The following ELF1 variants were observed in gnomAD, a reference collection of about 807,000 sequenced individuals.
ELF1 encodes ETS-related transcription factor Elf-1.
Under a neutral mutation model 59.9 loss-of-function variants are expected in ELF1, and 24 were observed. The observed-to-expected ratio is 0.40, with a 90% CI of 0.29 to 0.56. ELF1 has a LOEUF of 0.56. ELF1 is among the 20% of genes least tolerant of loss of function. ELF1 has a pLI of 0.44. For missense variants in ELF1, 627 were observed against 742.2 expected, an observed-to-expected ratio of 0.84 and a Z score of 1.80; for synonymous variants, 248 against 266.2, an observed-to-expected ratio of 0.93 and a Z score of 0.67.
intron 8 of ELF1, among the ~76,000 whole-genome samples, chr13:40,937,999 T>C (rs1040528982): frequency 1.3e-5 from 2 of 151,420 alleles, no homozygotes; most frequent in African/African-American, 4.9e-5. Flanking sequence ...GTATTTTTAG[T>C]AGAGACGGGG....
At chr13:40,950,155 C>T (rs563035111) in intron 4 of ELF1, among the ~76,000 whole-genome samples, 182 bp from the exon 5 acceptor site, 10 of 152,104 alleles carry the variant, frequency 6.6e-5, no homozygotes, top group Non-Finnish European at 1.5e-4. Context: ...CCAGGCACGG[C>T]GAGCTATTTC....
chr13:41,001,005 C>A (rs1214677596), intron 1 of ELF1, among the ~76,000 whole-genome samples: 2 of 150,140 alleles, frequency 1.3e-5, no homozygotes, highest in Non-Finnish European at 3.0e-5. Flanking sequence ...GAGACAGAGT[C>A]TCACTCTGTC....
intron 1 of ELF1, among the ~76,000 whole-genome samples, chr13:40,984,456 T>A (rs1873449439): frequency 6.6e-6 from 1 of 152,138 alleles, no homozygotes; most frequent in Admixed American, 6.5e-5. Context: ...TGATCCTAGC[T>A]ACTCAGGAGG....
At chr13:41,060,209 CG>C (rs1877467785) in intron 1 of ELF1, among the ~76,000 whole-genome samples, 1 of 152,196 alleles carries the variant, frequency 6.6e-6, no homozygotes, top group Non-Finnish European at 1.5e-5. Context: ...CGGGAGGGCG[CG>C]GAAGGCACAC....
At chr13:40,981,547 G>A (rs1226474974) in intron 2 of ELF1, among the ~76,000 whole-genome samples, 3 of 152,098 alleles carry the variant, frequency 2.0e-5, no homozygotes, top group African/African-American at 7.2e-5. Context: ...CTTCCTCAGA[G>A]TCACATGCTT....
At chr13:40,991,135 T>C (rs1387819972) in intron 1 of ELF1, among the ~76,000 whole-genome samples, 2 of 152,146 alleles carry the variant, frequency 1.3e-5, no homozygotes, top group Non-Finnish European at 2.9e-5. Flanking sequence ...CCAGTTTATT[T>C]CTCAAAACTG....
In ELF1 at chr13:40,933,225, C is replaced by T. The variant is rs75810168; in HGVS notation, c.*200G>A. ...ATAGTGTAAAATGCCTGTTCCTTCA[C>T]GATTGAATTCTGAAACATTTAGATA... On this transcript the variant is annotated 3_prime_UTR_variant, in exon 9 of 9. Transcript: ENST00000239882. The T allele has an allele frequency of 1.2e-5, 8 of 646,192 alleles. No individual in the cohort carries two copies. Among genetic ancestry groups the T allele is most frequent in the East Asian group, 2.9e-5 (1 of 33,926 alleles). The allele number at this position is 646,192 out of a possible 1,614,324, so 40.0% of individuals were successfully genotyped here. A position where few individuals can be genotyped will look rare whatever the true frequency, so the allele number is the denominator to read the frequency against.
At chr13:40,956,100 T>G (rs1296629219) in intron 3 of ELF1, among the ~76,000 whole-genome samples, 2 of 149,522 alleles carry the variant, frequency 1.3e-5, no homozygotes, top group Non-Finnish European at 3.0e-5. Flanking sequence ...GAACGGGCCA[T>G]GATGACAATG....
chr13:40,991,937 T>G (rs927077995), intron 1 of ELF1, among the ~76,000 whole-genome samples: 2 of 152,218 alleles, frequency 1.3e-5, no homozygotes, highest in African/African-American at 4.8e-5. Context: ...GCAATAACAT[T>G]GATATAGTGT....
At chr13:40,946,189 A>G (rs1870499709) in intron 5 of ELF1, among the ~76,000 whole-genome samples, 1 of 152,188 alleles carries the variant, frequency 6.6e-6, no homozygotes, top group Admixed American at 6.5e-5. Context: ...TATCATACCA[A>G]TAGTTTTTCA....
At chr13:41,035,897 CTTTT>C (rs553578030) in intron 1 of ELF1, among the ~76,000 whole-genome samples, 1 of 129,052 alleles carries the variant, frequency 7.7e-6, no homozygotes, top group African/African-American at 2.5e-5. Flanking sequence ...AAAACCTTTT[CTTTT>C]TTTCTTTTTT....
At chr13:41,039,335 TTAAA>T (rs1470133555) in intron 1 of ELF1, among the ~76,000 whole-genome samples, 128 of 141,866 alleles carry the variant, frequency 9.0e-4, no homozygotes, top group African/African-American at 3.2e-3. Context: ...AGTCCTTTTT[TTAAA>T]AAAAAAAAAA....
At chr13:41,018,938 C>T (rs1875572747) in intron 1 of ELF1, among the ~76,000 whole-genome samples, 1 of 152,114 alleles carries the variant, frequency 6.6e-6, no homozygotes, top group Non-Finnish European at 1.5e-5. Context: ...CTTTGTGGTA[C>T]TTAAAAACAA....
At chr13:40,965,715 G>GACCTTCCAA (rs1243228549) in intron 2 of ELF1, among the ~76,000 whole-genome samples, 2 of 151,950 alleles carry the variant, frequency 1.3e-5, no homozygotes, top group Non-Finnish European at 1.5e-5. Flanking sequence ...TTTAAAAAAT[G>GACCTTCCAA]ACCTTCCAAA....
chr13:40,938,827 T>C (rs1869953116), intron 8 of ELF1, among the ~76,000 whole-genome samples: 1 of 151,862 alleles, frequency 6.6e-6, no homozygotes, highest in African/African-American at 2.4e-5. Flanking sequence ...AAGAAAGATA[T>C]AGTCAAAGAG....
Position 41,036,418 on chromosome 13 carries a change from C to T in ELF1, c.-229+24420G>A, listed in dbSNP as rs112103211. ...TATAGCTAAACTACTCTGCTTCTCT[C>T]CCTCCACACTTGAAGTCAAATCATT... On this transcript the variant is annotated intron_variant, in intron 1 of 1. Coordinates refer to the ELF1 transcript ENST00000405737. Among the ~76,000 whole-genome samples the T allele has an allele frequency of 4.8e-3, 738 of 152,322 alleles. 3 individuals are homozygous for T. The highest frequency in any genetic ancestry group is 0.017 in the African/African-American group (706 of 41,572).
rs758213057 is a variant in ELF1 at position 40,943,041 on chromosome 13, T to C, written c.717A>G (p.Lys239=). 7.4e-6 allele frequency: 12 copies of C among 1,613,432 alleles called. No individual in the cohort carries two copies. The East Asian group carries it at 8.9e-5, about 12-fold the overall frequency. ...TGGACACTGCTTTAGAATCCACCAATTTAAAAATGCCTTTCTCTCGCTGGG... is the reference window on the plus strand; with the variant it reads ...TGGACACTGCTTTAGAATCCACCAACTTAAAAATGCCTTTCTCTCGCTGGG... ...KWTQREKGIF[K]LVDSKAVSRL... The change falls in exon 7 of 9, where the codon AAA becomes AAG. Residue 239 remains lysine, a synonymous_variant. Transcript: ENST00000239882.
At chr13:41,027,440 G>A (rs1230197437) in intron 1 of ELF1, among the ~76,000 whole-genome samples, 1 of 152,188 alleles carries the variant, frequency 6.6e-6, no homozygotes, top group Non-Finnish European at 1.5e-5. Context: ...GTTATTCACG[G>A]GCTTAGCAAC....
chr13:41,022,539 C>G (rs1474162940), upstream of ELF1, among the ~76,000 whole-genome samples: 1 of 152,084 alleles, frequency 6.6e-6, no homozygotes, highest in Non-Finnish European at 1.5e-5. Context: ...CTAAATAGGG[C>G]AAATTGTACT....
Sources: allele counts gnomAD v4.1 joint callset (sites outside exome capture counted in the v4.1 genomes callset), GRCh38; gene constraint gnomAD v4.1.1; transcripts MANE v1.5; gene names NCBI Gene and HGNC (gene_info 2026-07-23, HGNC 2026-07-21).